The following SLC2A13 variants were observed in gnomAD, a reference collection of about 807,000 sequenced individuals.
SLC2A13 encodes the protein solute carrier family 2 member 13, also known as proton myo-inositol cotransporter.
A neutral mutation model predicts 64.4 loss-of-function variants in SLC2A13; 32 were observed. The ratio of observed to expected loss-of-function variants is 0.50; its 90% CI spans 0.37 to 0.67. SLC2A13 has a LOEUF of 0.67. SLC2A13 is among the 30% of genes least tolerant of loss of function. The pLI, the probability that SLC2A13 is intolerant of heterozygous loss-of-function variation, is 0.00. For synonymous variants in SLC2A13, 338 were observed against 327.1 expected, an observed-to-expected ratio of 1.03 and a Z score of -0.36; for missense variants, 743 against 829.2, an observed-to-expected ratio of 0.90 and a Z score of 1.28.
At chr12:39,851,208 A>T (rs1943457868) in intron 6 of SLC2A13, among the ~76,000 whole-genome samples, 1 of 152,152 alleles carries the variant, frequency 6.6e-6, no homozygotes, top group Non-Finnish European at 1.5e-5. Flanking sequence ...CCAAAGTTAA[A>T]TGTTTATAGA....
At chr12:39,990,904 G>A (rs1341718714) in intron 3 of SLC2A13, among the ~76,000 whole-genome samples, 3 of 151,994 alleles carry the variant, frequency 2.0e-5, no homozygotes, top group Non-Finnish European at 4.4e-5. Context: ...TCAAACCTAG[G>A]CTTCAAGGTT....
intron 3 of SLC2A13, among the ~76,000 whole-genome samples, chr12:40,015,630 C>A (rs531237630): frequency 2.6e-5 from 4 of 152,192 alleles, no homozygotes; most frequent in Admixed American, 2.6e-4. Context: ...CTCCCTCCTC[C>A]ACTGCACTTG....
intron 6 of SLC2A13, among the ~76,000 whole-genome samples, chr12:39,861,022 T>C (rs1203277925): frequency 6.6e-6 from 1 of 152,238 alleles, no homozygotes. Flanking sequence ...CTTAATAGTC[T>C]TATCTGAATC....
intron 7 of SLC2A13, among the ~76,000 whole-genome samples, chr12:39,815,610 G>A (rs1942317498): frequency 6.6e-6 from 1 of 152,154 alleles, no homozygotes. Flanking sequence ...ACGGTAAGAG[G>A]CGAACGGGGA....
At chr12:39,945,511 C>G (rs1946117892) in intron 4 of SLC2A13, among the ~76,000 whole-genome samples, 1 of 151,996 alleles carries the variant, frequency 6.6e-6, no homozygotes. Context: ...GGTCATTTAA[C>G]ATAATCCCAG....
chr12:39,784,908 G>A (rs7298453), intron 7 of SLC2A13, among the ~76,000 whole-genome samples: 123,896 of 152,112 alleles, frequency 0.81, 50,654 homozygotes, highest in Non-Finnish European at 0.84. Flanking sequence ...ATGATTTAGG[G>A]TATCTGGTGG....
At chr12:40,098,949 A>C (rs1171831529) in intron 1 of SLC2A13, among the ~76,000 whole-genome samples, 1 of 152,202 alleles carries the variant, frequency 6.6e-6, no homozygotes, top group Non-Finnish European at 1.5e-5. Context: ...AAATCAGAAG[A>C]ACACTGGTGC....
chr12:39,809,552 A>T (rs1021636884), intron 7 of SLC2A13, among the ~76,000 whole-genome samples: 1 of 152,168 alleles, frequency 6.6e-6, no homozygotes, highest in Non-Finnish European at 1.5e-5. Flanking sequence ...CATGTGCACA[A>T]CGTGCAGGTT....
intron 3 of SLC2A13, among the ~76,000 whole-genome samples, chr12:39,992,192 G>C (rs974245085): frequency 3.9e-5 from 6 of 152,052 alleles, no homozygotes; most frequent in Non-Finnish European, 8.8e-5. Flanking sequence ...AATGGGTGGG[G>C]GTCCAAAGCA....
chr12:39,861,707 T>C (rs1391501037), intron 6 of SLC2A13, among the ~76,000 whole-genome samples: 2 of 152,176 alleles, frequency 1.3e-5, no homozygotes, highest in African/African-American at 4.8e-5. Context: ...CATAAAGATA[T>C]ATGATTCAGA....
At chr12:40,098,355 T>C (rs552945773) in intron 1 of SLC2A13, among the ~76,000 whole-genome samples, 37 of 152,316 alleles carry the variant, frequency 2.4e-4, no homozygotes, top group African/African-American at 8.7e-4. Flanking sequence ...GCTGGGGAAT[T>C]TGTGTTTAAT....
chr12:39,973,897 T>C (rs551983186), intron 3 of SLC2A13, among the ~76,000 whole-genome samples: 2 of 152,118 alleles, frequency 1.3e-5, no homozygotes, highest in East Asian at 3.9e-4. Context: ...TTGGAAAGAG[T>C]TTTTCTACTT....
chr12:39,952,542 A>G (rs1946249204), intron 3 of SLC2A13, among the ~76,000 whole-genome samples: 1 of 152,214 alleles, frequency 6.6e-6, no homozygotes, highest in Non-Finnish European at 1.5e-5. Flanking sequence ...CATTAATTAG[A>G]ATGAAATATT....
chr12:39,814,932 G>A (rs1942299145), intron 7 of SLC2A13, among the ~76,000 whole-genome samples: 1 of 151,590 alleles, frequency 6.6e-6, no homozygotes, highest in African/African-American at 2.4e-5. Context: ...AGATTTTTAA[G>A]TTGGTCTTTA....
rs183882763 is a variant in SLC2A13 at position 39,965,986 on chromosome 12, C to T, written c.926-14621G>A. ...TGAGAAATCTGCTAGCATAATACTA[C>T]ACCTATGGGATGCGGGGCTTGACTG... On this transcript the variant is annotated intron_variant, in intron 3 of 9. Coordinates refer to ENST00000280871, the MANE Select transcript of SLC2A13 (RefSeq NM_052885.4). Among the ~76,000 whole-genome samples the T allele has an allele frequency of 1.4e-3, 206 of 152,098 alleles. 2 individuals carry two copies. Among genetic ancestry groups the T allele is most frequent in the African/African-American group, 4.8e-3 (201 of 41,498 alleles).
intron 4 of SLC2A13, among the ~76,000 whole-genome samples, chr12:39,943,823 C>T (rs1487784452): frequency 6.6e-6 from 1 of 152,148 alleles, no homozygotes; most frequent in East Asian, 1.9e-4. Flanking sequence ...AAACCGCAGA[C>T]CAGGAGATTC....
chr12:39,849,920 T>C (rs1372857396), intron 6 of SLC2A13, among the ~76,000 whole-genome samples: 1 of 152,178 alleles, frequency 6.6e-6, no homozygotes, highest in Non-Finnish European at 1.5e-5. Context: ...TAATATTGTT[T>C]CTTCTTCTGT....
Position 40,105,152 on chromosome 12 carries a change from G to A in SLC2A13, c.556+101C>T. The A allele has an allele frequency of 7.1e-7, 1 of 1,418,402 alleles. No individual in the cohort carries two copies. The highest frequency in any genetic ancestry group is 9.1e-7 in the Non-Finnish European group (1 of 1,093,022). The allele number at this position is 1,418,402 out of a possible 1,614,324, so 87.9% of individuals were successfully genotyped here. A position where few individuals can be genotyped will look rare whatever the true frequency, so the allele number is the denominator to read the frequency against. On this transcript the variant is annotated intron_variant, in intron 1 of 9. Coordinates refer to ENST00000280871, the MANE Select transcript of SLC2A13 (RefSeq NM_052885.4). The surrounding 1 kb of genome is among the most constrained non-coding windows in gnomAD (Gnocchi z 4.2). The stretch of plus-strand genomic sequence containing the variant: ...GAAGTGGAGGATTCTCTGACCCTGG[G>A]AGACCAGACGGGGACCCCGATGGGC...
intron 7 of SLC2A13, among the ~76,000 whole-genome samples, chr12:39,783,735 G>GTT (rs566684467): frequency 6.6e-6 from 1 of 152,082 alleles, no homozygotes; most frequent in South Asian, 2.1e-4. Flanking sequence ...TTGTAAATTT[G>GTT]TTTGAGTTCT....
Sources: gnomAD v4.1 joint callset for allele counts (sites outside exome capture counted in the v4.1 genomes callset) on GRCh38, gnomAD v4.1.1 for gene constraint, Gnocchi (gnomAD v3.1) non-coding constraint, MANE v1.5 for transcripts, NCBI Gene and HGNC (gene_info 2026-07-23, HGNC 2026-07-21) for gene names.